Variants in DDX23 observed in about 807,000 individuals in gnomAD.
DDX23 encodes probable ATP-dependent RNA helicase DDX23.
DDX23 carries 33 observed loss-of-function variants against 102.7 expected under a neutral mutation model. That is an observed-to-expected ratio of 0.32 (90% CI 0.24 to 0.43). The LOEUF (loss-of-function observed/expected upper bound fraction) is 0.43. Ranked by LOEUF, DDX23 falls within the 20% of genes least tolerant of loss-of-function variation. The pLI, the probability that DDX23 is intolerant of heterozygous loss-of-function variation, is 1.00. For missense variants in DDX23, 549 were observed against 1,086.6 expected (o/e 0.51, Z 6.96); for synonymous variants, 352 against 376.0 (o/e 0.94, Z 0.74).
At chr12:48,838,503 T>C (rs1015240089) in intron 5 of DDX23, among the ~76,000 whole-genome samples, 3 of 151,130 alleles carry the variant, frequency 2.0e-5, no homozygotes, top group Non-Finnish European at 4.4e-5. Context: ...TGAGCTGTGA[T>C]TGCACCACTG....
chr12:48,840,176 C>G, intron 3 of DDX23, 70 bp from the exon 4 acceptor site: 1 of 1,248,384 alleles, frequency 8.0e-7, no homozygotes, highest in Non-Finnish European at 1.2e-6. Context: ...AGTTGAGCCC[C>G]GAAAAGAGAA....
At chr12:48,831,967 T>C (rs1264059316) in intron 15 of DDX23, 111 bp downstream of exon 15, 22 of 984,564 alleles carry the variant, frequency 2.2e-5, no homozygotes, top group Non-Finnish European at 3.1e-5. Context: ...TGTTGATTGC[T>C]GGACAGGCTA....
chr12:48,835,302 G>C (rs1258175333), intron 11 of DDX23: 1 of 165,576 alleles, frequency 6.0e-6, no homozygotes, highest in African/African-American at 2.4e-5. Context: ...GCCAGGTGCA[G>C]TGGTTCACGC....
At chr12:48,845,903 G>C in intron 1 of DDX23, 121 bp from the exon 2 acceptor site, 3 of 1,079,286 alleles carry the variant, frequency 2.8e-6, no homozygotes, top group South Asian at 1.5e-5. Context: ...CTACCGTACA[G>C]ATGAGAACGG....
In DDX23 at chr12:48,833,474, G is replaced by A. The variant is rs1444442044; in HGVS notation, c.1606C>T (p.Arg536Cys). 1.9e-6 allele frequency: 3 copies of A among 1,614,112 alleles called. No individual in the cohort carries two copies. Among genetic ancestry groups the A allele is most frequent in the Non-Finnish European group, 2.5e-6 (3 of 1,180,038 alleles). ...GTACAGCGGCTCAGCACCAGGTAGC[G>A]GTTCTCCAGCACATCAATCAAACGC... The part of the protein sequence containing the change: ...PGRLIDVLEN[R>C]YLVLSRCTYV... The change falls in exon 13 of 17, where the codon CGC becomes TGC. Residue 536 changes from arginine to cysteine, a missense_variant. Transcript: ENST00000308025.
In DDX23 at chr12:48,830,772, A is replaced by G. The variant is rs1938374572; in HGVS notation, c.2240-80T>C. 2.9e-6 allele frequency: 4 copies of G among 1,398,564 alleles called. No individual in the cohort carries two copies. Among genetic ancestry groups the G allele is most frequent in the Middle Eastern group, 1.8e-4 (1 of 5,414 alleles). 86.6% of individuals were successfully genotyped at this position (1,398,564 alleles called of 1,614,324 possible). On this transcript the variant is annotated intron_variant, in intron 16 of 16. Transcript: ENST00000308025. The surrounding 1 kb of genome is among the most constrained non-coding windows in gnomAD (Gnocchi z 4.9). ...GTCTGATGCCTCCACTTCTAGAGGC[A>G]TCCTTCCCACCCCATCTCCAAAGGC...
chr12:48,842,774 C>G (rs1466421081), intron 3 of DDX23, among the ~76,000 whole-genome samples: 49 of 151,200 alleles, frequency 3.2e-4, no homozygotes, highest in Admixed American at 5.3e-4. Context: ...CCTCTGCCCG[C>G]CCACCACCCC....
Position 48,832,358 on chromosome 12 carries a change from T to G in DDX23, c.1955+64A>C. 4 of 1,591,350 alleles carry G rather than the reference T, an allele frequency of 2.5e-6. No individual in the cohort carries two copies. Among genetic ancestry groups the G allele is most frequent in the Non-Finnish European group, 3.4e-6 (4 of 1,164,828 alleles). ...CAATTGCCCTGCCCTGCACCTGCAC[T>G]AAAAAAGTTCTCAGAGCCATTTTAT... On this transcript the variant is annotated intron_variant, in intron 14 of 16. Coordinates refer to ENST00000308025, the MANE Select transcript of DDX23 (RefSeq NM_004818.3). The surrounding 1 kb of genome is among the most constrained non-coding windows in gnomAD (Gnocchi z 4.4).
chr12:48,850,705 T>C (rs1938742625), intron 1 of DDX23, among the ~76,000 whole-genome samples: 1 of 152,062 alleles, frequency 6.6e-6, no homozygotes, highest in Non-Finnish European at 1.5e-5. Flanking sequence ...AAGAAAAGCA[T>C]GGCAACGAAG....
At position 48,830,383 on chromosome 12, in the gene DDX23, G is replaced by C; in HGVS notation, c.*86C>G. ...TAAGCCCCCATATCCCAAGAGTGAG[G>C]ACCTGGAAAGAGGGATGTGAGGGTT... On this transcript the variant is annotated 3_prime_UTR_variant, in exon 17 of 17. Coordinates refer to ENST00000308025, the MANE Select transcript of DDX23 (RefSeq NM_004818.3). The surrounding 1 kb of genome is among the most constrained non-coding windows in gnomAD (Gnocchi z 4.9). 6.9e-7 allele frequency: 1 copy of C among 1,455,976 alleles called. No individual in the cohort carries two copies. Among genetic ancestry groups the C allele is most frequent in the African/African-American group, 1.4e-5 (1 of 71,804 alleles). The allele number at this position is 1,455,976 out of a possible 1,614,324, so 90.2% of individuals were successfully genotyped here. A position where few individuals can be genotyped will look rare whatever the true frequency, so the allele number is the denominator to read the frequency against.
intron 1 of DDX23, among the ~76,000 whole-genome samples, chr12:48,848,939 A>C (rs142921120): frequency 0.014 from 2,083 of 151,996 alleles, 46 homozygotes; most frequent in African/African-American, 0.047. Flanking sequence ...TTTTTAGTAG[A>C]GGCGGGGTTT....
rs1938649746 is a variant in DDX23, at chr12:48,845,453, T to C, written c.209+121A>G. ...CTGGGTAACAAACAGAGCGAGACTC[T>C]GTCTCAAAAAATAAAAATAAAAAGT... On this transcript the variant is annotated intron_variant, in intron 2 of 16. Transcript: ENST00000308025. 2.1e-5 allele frequency: 24 copies of C among 1,144,990 alleles called. No homozygotes were observed. In the South Asian group the frequency reaches 3.5e-4, roughly 17 times the overall value. The allele number at this position is 1,144,990 out of a possible 1,614,324, so 70.9% of individuals were successfully genotyped here.
chr12:48,842,535 CGGG>C, intron 3 of DDX23, among the ~76,000 whole-genome samples: 1 of 137,674 alleles, frequency 7.3e-6, no homozygotes, highest in South Asian at 2.3e-4. Context: ...CCGCCCCGTC[CGGG>C]AGGGAGGTGG....
intron 3 of DDX23, among the ~76,000 whole-genome samples, chr12:48,842,837 C>T (rs998538575): frequency 2.6e-5 from 4 of 152,162 alleles, no homozygotes; most frequent in Non-Finnish European, 5.9e-5. Flanking sequence ...ATGACAGTGG[C>T]GGTTTTGTGG....
At position 48,845,625 on chromosome 12, in the gene DDX23, C is replaced by A. The variant is rs1213299675; in HGVS notation, c.158G>T (p.Arg53Leu). 1.8e-5 allele frequency: 29 copies of A among 1,614,108 alleles called. 1 individual carries two copies. The East Asian group carries it at 6.2e-4, about 35-fold the overall frequency. Residue 53 changes from arginine to leucine, a missense_variant, in exon 2 of 17, where the codon CGT becomes CTT. Arg to Leu is a moderately radical substitution (Grantham distance 102). Coordinates refer to ENST00000308025, the MANE Select transcript of DDX23 (RefSeq NM_004818.3). ...AGAGCGAGAACGGCTGCCTCCTCGA[C>A]GTCTATCCCTTGAACGATGCCGCTT... is the stretch of plus-strand genomic sequence containing the variant. ...DRKRHRSRDR[R>L]RGGSRSRSRS...
chr12:48,837,823 C>G (rs1021203834), intron 6 of DDX23, 119 bp downstream of exon 6: 3 of 1,541,288 alleles, frequency 1.9e-6, no homozygotes, highest in Non-Finnish European at 2.6e-6. Context: ...TAAACTCCCA[C>G]CATCCTTCCC....
rs1396527835 is a variant in DDX23 at position 48,836,717 on chromosome 12, T to C, written c.1088A>G (p.Asp363Gly). Residue 363 changes from aspartate (D) to glycine (G), a missense_variant, in exon 10 of 17, where the codon GAT becomes GGT. By Grantham distance (94) the Asp-to-Gly change is moderately conservative. Transcript: ENST00000308025. This position sits in a 1 kb window ranked among gnomAD's most constrained non-coding sequence, Gnocchi z 6.1. ...CCGCCAGTCCCTGTCCGTCATCTCA[T>C]CTAACTTTTTCTGAGACCAATGACG... ...DDRHWSQKKL[D>G]EMTDRDWRIF... The C allele has an allele frequency of 5.6e-6, 9 of 1,614,108 alleles. No homozygotes were observed. The highest frequency in any genetic ancestry group is 1.3e-5 in the African/African-American group (1 of 74,938).
rs1565676331 is a variant in DDX23 at position 48,836,819 on chromosome 12, T to C, written c.1011-25A>G. 2 of 1,613,192 alleles carry C rather than the reference T, an allele frequency of 1.2e-6. No individual in the cohort carries two copies. Among genetic ancestry groups the C allele is most frequent in the Middle Eastern group, 1.7e-4 (1 of 6,056 alleles). On this transcript the variant is annotated intron_variant, in intron 9 of 16. Coordinates refer to ENST00000308025, the MANE Select transcript of DDX23 (RefSeq NM_004818.3). This position sits in a 1 kb window ranked among gnomAD's most constrained non-coding sequence, Gnocchi z 6.1. ...CCTGGAGCAGGGTGTGAGGAGTAAG[T>C]AGAATCAGTGCCCTCCAACTCCTTT...
intron 1 of DDX23, among the ~76,000 whole-genome samples, chr12:48,846,945 A>G (rs541415706): frequency 6.6e-6 from 1 of 152,324 alleles, no homozygotes; most frequent in Admixed American, 6.5e-5. Flanking sequence ...CTGAATCTGC[A>G]ACCACCTCAT....
Sources: allele counts gnomAD v4.1 joint callset (sites outside exome capture counted in the v4.1 genomes callset), GRCh38; gene constraint gnomAD v4.1.1; non-coding constraint Gnocchi (gnomAD v3.1); transcripts MANE v1.5; gene names NCBI Gene and HGNC (gene_info 2026-07-23, HGNC 2026-07-21).